The following MSI2 variants were observed in gnomAD, a reference collection of about 807,000 sequenced individuals.
MSI2 encodes musashi RNA binding protein 2.
A neutral mutation model predicts 45.6 loss-of-function variants in MSI2; 17 were observed. The observed-to-expected ratio is 0.37, with a 90% CI of 0.26 to 0.56. The LOEUF (loss-of-function observed/expected upper bound fraction) is 0.56, where lower values mean the gene tolerates loss of function less well. Ranked by LOEUF, MSI2 falls within the 20% of genes least tolerant of loss-of-function variation. MSI2 has a pLI of 0.77. For synonymous variants in MSI2, 156 were observed against 158.2 expected (o/e 0.99, Z 0.11); for missense variants, 293 against 444.2 (o/e 0.66, Z 3.06).
chr17:57,648,107 C>A (rs905517606), intron 10 of MSI2, among the ~76,000 whole-genome samples: 7 of 150,546 alleles, frequency 4.6e-5, no homozygotes, highest in Non-Finnish European at 1.0e-4. Flanking sequence ...GGATTACAAG[C>A]ATGCACCACC....
At chr17:57,460,728 T>A (rs2085210193) in intron 6 of MSI2, among the ~76,000 whole-genome samples, 1 of 151,950 alleles carries the variant, frequency 6.6e-6, no homozygotes, top group Admixed American at 6.6e-5. Context: ...CTAGGAAACT[T>A]GTACTTTATC....
chr17:57,295,514 C>A (rs984376555), intron 5 of MSI2, among the ~76,000 whole-genome samples: 1 of 151,870 alleles, frequency 6.6e-6, no homozygotes, highest in South Asian at 2.1e-4. Flanking sequence ...TATACAGGTG[C>A]GGTAGGTTGA....
At chr17:57,284,707 T>C (rs1416895983) in intron 5 of MSI2, among the ~76,000 whole-genome samples, 1 of 151,976 alleles carries the variant, frequency 6.6e-6, no homozygotes, top group Non-Finnish European at 1.5e-5. Context: ...TAGTGTAGAG[T>C]TGATTTTGTT....
intron 6 of MSI2, among the ~76,000 whole-genome samples, chr17:57,466,689 C>T (rs2085336726): frequency 6.6e-6 from 1 of 152,078 alleles, no homozygotes; most frequent in South Asian, 2.1e-4. Context: ...TTTTTTTTCC[C>T]CCAAGATATT....
chr17:57,268,185 G>C (rs533409095), intron 5 of MSI2: 2 of 152,322 alleles, frequency 1.3e-5, no homozygotes, highest in Admixed American at 6.5e-5. Context: ...CACCAAACAA[G>C]CACCGACCGT....
chr17:57,638,719 G>A (rs1332975582), intron 10 of MSI2, among the ~76,000 whole-genome samples: 2 of 151,954 alleles, frequency 1.3e-5, no homozygotes, highest in Non-Finnish European at 2.9e-5. Flanking sequence ...GTGAGACTCT[G>A]TCTCAACAAA....
At position 57,407,183 on chromosome 17, in the gene MSI2, T is replaced by TAATG. The variant is rs1479169049; in HGVS notation, c.405+5714_405+5717dup. 6.6e-6 allele frequency: 1 copy of TAATG among 152,116 alleles called. No homozygotes were observed. Among genetic ancestry groups the TAATG allele is most frequent in the Non-Finnish European group, 1.5e-5 (1 of 68,016 alleles). The allele number at this position is 152,116 out of a possible 1,614,324, so 9.4% of individuals were successfully genotyped here. On this transcript the variant is annotated intron_variant, in intron 6 of 13. Transcript: ENST00000284073. This position sits in a 1 kb window ranked among gnomAD's most constrained non-coding sequence, Gnocchi z 4.1. ...CAAGAGTGAATTGTTTTTTTTAATGTAATGAGACCTTCCCGTTTATCCGGC... is the reference window on the plus strand; with the variant it reads ...CAAGAGTGAATTGTTTTTTTTAATGTAATGAATGAGACCTTCCCGTTTATCCGGC...
At chr17:57,568,161 G>A (rs933297926) in intron 7 of MSI2, among the ~76,000 whole-genome samples, 9 of 152,214 alleles carry the variant, frequency 5.9e-5, no homozygotes, top group African/African-American at 1.4e-4. Flanking sequence ...GAGAGGGGAC[G>A]TGAGGACATG....
At chr17:57,572,773 C>A (rs577157844) in intron 7 of MSI2, among the ~76,000 whole-genome samples, 98 of 152,354 alleles carry the variant, frequency 6.4e-4, no homozygotes, top group South Asian at 2.7e-3. Flanking sequence ...CTCCATTCGT[C>A]AGCACGGCGC....
chr17:57,511,460 G>A (rs989310672), intron 6 of MSI2, among the ~76,000 whole-genome samples: 2 of 152,112 alleles, frequency 1.3e-5, no homozygotes, highest in Non-Finnish European at 2.9e-5. Flanking sequence ...TCCTTCCTGC[G>A]TGCCTTGAGA....
intron 6 of MSI2, chr17:57,450,258 A>AGAAAGAAAGAAG (rs2084975848): frequency 3.8e-4 from 1 of 2,628 alleles, no homozygotes; most frequent in African/African-American, 7.9e-4. Context: ...CCCAGCTTAA[A>AGAAAGAAAGAAG]GAAAGAAAGA....
chr17:57,290,523 TG>T (rs1910313824), intron 5 of MSI2, among the ~76,000 whole-genome samples: 1 of 152,148 alleles, frequency 6.6e-6, no homozygotes, highest in South Asian at 2.1e-4. Flanking sequence ...GTTGCCCAGG[TG>T]GGGGTCTCTA....
At chr17:57,270,774 G>A (rs765881411) in intron 5 of MSI2, among the ~76,000 whole-genome samples, 9 of 152,096 alleles carry the variant, frequency 5.9e-5, no homozygotes, top group Non-Finnish European at 8.8e-5. Flanking sequence ...TACTGTCCCC[G>A]AAAAATGTCC....
At chr17:57,489,089 T>TATGAAGACCAGAA (rs972442635) in intron 6 of MSI2, among the ~76,000 whole-genome samples, 1 of 152,124 alleles carries the variant, frequency 6.6e-6, no homozygotes, top group Non-Finnish European at 1.5e-5. Context: ...TGAAGAGCCT[T>TATGAAGACCAGAA]GGGTTCTGGT....
intron 7 of MSI2, among the ~76,000 whole-genome samples, chr17:57,562,785 AT>A (rs150782460): frequency 6.6e-6 from 1 of 151,294 alleles, no homozygotes; most frequent in Non-Finnish European, 1.5e-5. Flanking sequence ...CACACGGACT[AT>A]TTTTTTTTCC....
chr17:57,274,883 C>T (rs575550984), intron 5 of MSI2, among the ~76,000 whole-genome samples: 1 of 151,906 alleles, frequency 6.6e-6, no homozygotes, highest in East Asian at 1.9e-4. Flanking sequence ...CAATTCTGTA[C>T]TTAAAAAAAG....
chr17:57,576,120 T>C (rs2144340787), intron 7 of MSI2, among the ~76,000 whole-genome samples: 1 of 152,264 alleles, frequency 6.6e-6, no homozygotes, highest in South Asian at 2.1e-4. Context: ...AGGCCATCCT[T>C]TAAAGCCATT....
intron 10 of MSI2, among the ~76,000 whole-genome samples, chr17:57,634,982 A>G (rs1379444121): frequency 1.3e-5 from 2 of 152,278 alleles, no homozygotes; most frequent in Non-Finnish European, 2.9e-5. Flanking sequence ...GACCAGTTTC[A>G]GCTGCCTGGA....
chr17:57,447,109 A>T (rs1312392488), intron 6 of MSI2, among the ~76,000 whole-genome samples: 1 of 152,168 alleles, frequency 6.6e-6, no homozygotes, highest in African/African-American at 2.4e-5. Flanking sequence ...GTATTTAGAG[A>T]TAGGGTCTCT....
Sources: gnomAD v4.1 joint callset for allele counts (sites outside exome capture counted in the v4.1 genomes callset) on GRCh38, gnomAD v4.1.1 for gene constraint, Gnocchi (gnomAD v3.1) non-coding constraint, MANE v1.5 for transcripts, NCBI Gene and HGNC (gene_info 2026-07-23, HGNC 2026-07-21) for gene names.